Variants in AHR observed in about 807,000 individuals in gnomAD.
AHR encodes AH-receptor.
A neutral mutation model predicts 86.8 loss-of-function variants in AHR; 40 were observed. The ratio of observed to expected loss-of-function variants is 0.46; its 90% CI spans 0.36 to 0.60. The LOEUF (loss-of-function observed/expected upper bound fraction) is 0.60. Ranked by LOEUF, AHR falls within the 20% of genes least tolerant of loss-of-function variation. The probability of loss-of-function intolerance (pLI) is 0.00; values close to 1 mark genes in which losing one functional copy is unlikely to be tolerated. For missense variants in AHR, 1,001 were observed against 1,011.6 expected (o/e 0.99, Z 0.14); for synonymous variants, 398 against 354.9 (o/e 1.12, Z -1.37).
chr7:17,309,843 T>C, intron 1 of AHR, 93 bp from the exon 2 acceptor site: 1 of 1,092,256 alleles, frequency 9.2e-7, no homozygotes, highest in Non-Finnish European at 1.2e-6. Context: ...TTTGTTGTGT[T>C]AGAGAAATAT....
intron 2 of AHR, among the ~76,000 whole-genome samples, chr7:17,322,203 T>C (rs1244485274): frequency 6.6e-6 from 1 of 151,968 alleles, no homozygotes; most frequent in African/African-American, 2.4e-5. Context: ...TCTTTGAAAC[T>C]CCTAAGTTTT....
intron 1 of AHR, among the ~76,000 whole-genome samples, chr7:17,309,184 A>G (rs1232292454): frequency 6.6e-6 from 1 of 152,162 alleles, no homozygotes; most frequent in Non-Finnish European, 1.5e-5. Flanking sequence ...AAATCATGCT[A>G]AATTGTTTAG....
chr7:17,332,037 G>C (rs1055038987), intron 6 of AHR, among the ~76,000 whole-genome samples: 2 of 151,874 alleles, frequency 1.3e-5, no homozygotes, highest in Non-Finnish European at 1.5e-5. Context: ...GCATAATGAT[G>C]CTTTGGTCAA....
At chr7:17,325,561 C>T (rs1015769442) in intron 3 of AHR, among the ~76,000 whole-genome samples, 4 of 152,140 alleles carry the variant, frequency 2.6e-5, no homozygotes, top group South Asian at 4.1e-4. Context: ...GGTAGAATCA[C>T]CATTGTTTAT....
chr7:17,324,733 C>T (rs1782210489), intron 3 of AHR, among the ~76,000 whole-genome samples: 1 of 150,614 alleles, frequency 6.6e-6, no homozygotes, highest in South Asian at 2.1e-4. Context: ...AGCCAGGAGG[C>T]AGTAGTTGCA....
chr7:17,321,126 A>G (rs1367079742), intron 2 of AHR, among the ~76,000 whole-genome samples: 1 of 152,084 alleles, frequency 6.6e-6, no homozygotes, highest in Non-Finnish European at 1.5e-5. Context: ...GAGGACTGCC[A>G]GAGTCAGTTT....
intron 2 of AHR, 91 bp from the exon 3 acceptor site, chr7:17,322,410 A>T: frequency 1.3e-6 from 1 of 789,530 alleles, no homozygotes; most frequent in Non-Finnish European, 2.1e-6. Flanking sequence ...CAGTATTTCA[A>T]ATTGTCTTTG....
At chr7:17,310,775 A>G (rs960227676) in intron 2 of AHR, among the ~76,000 whole-genome samples, 5 of 152,288 alleles carry the variant, frequency 3.3e-5, no homozygotes, top group Non-Finnish European at 5.9e-5. Context: ...ACCTCAGGTG[A>G]TCTGCCCGTC....
chr7:17,299,377 A>G (rs373301570), intron 1 of AHR, 48 bp downstream of exon 1: 31 of 1,598,452 alleles, frequency 1.9e-5, no homozygotes, highest in Admixed American at 3.4e-5. Context: ...GCGCTCAGGC[A>G]CGCGGGTGCG....
At chr7:17,341,243 C>T (rs868177517) in intron 10 of AHR, among the ~76,000 whole-genome samples, 31 of 152,060 alleles carry the variant, frequency 2.0e-4, no homozygotes, top group Middle Eastern at 3.4e-3. Flanking sequence ...CTTGTCTAAT[C>T]GTATATGAGC....
intron 1 of AHR, 132 bp downstream of exon 1, chr7:17,299,461 T>G (rs747244287): frequency 3.9e-5 from 42 of 1,064,494 alleles, no homozygotes; most frequent in Admixed American, 7.9e-5. Context: ...GCCCGTGGAA[T>G]CGAGGTTTGG....
intron 2 of AHR, among the ~76,000 whole-genome samples, chr7:17,319,412 G>A (rs961590616): frequency 7.9e-5 from 12 of 152,198 alleles, no homozygotes; most frequent in African/African-American, 2.9e-4. Flanking sequence ...ACTGAGGTCT[G>A]GCTACCTGAG....
intron 10 of AHR, 34 bp downstream of exon 10, chr7:17,340,262 A>G: frequency 6.5e-7 from 1 of 1,549,150 alleles, no homozygotes; most frequent in Non-Finnish European, 8.7e-7. Context: ...TAAATCTTTC[A>G]GTGATTCTTT....
At chr7:17,307,022 A>G (rs1199020525) in intron 1 of AHR, among the ~76,000 whole-genome samples, 1 of 152,178 alleles carries the variant, frequency 6.6e-6, no homozygotes, top group East Asian at 1.9e-4. Flanking sequence ...ATTTGCTCTC[A>G]TGTTAAATAT....
chr7:17,338,212 A>T (rs1782376452), intron 9 of AHR, among the ~76,000 whole-genome samples: 1 of 151,790 alleles, frequency 6.6e-6, no homozygotes, highest in Non-Finnish European at 1.5e-5. Flanking sequence ...AAAAAAAAAA[A>T]AAATCTATTG....
rs1340035435 is a variant in AHR, at chr7:17,339,344, A to C, written c.1519A>C (p.Thr507Pro). 6.2e-7 allele frequency: 1 copy of C among 1,614,244 alleles called. No individual in the cohort carries two copies. The highest frequency in any genetic ancestry group is 1.1e-5 in the South Asian group (1 of 91,082). ...TAATACTGCACCGATGGGAAATGATACTATCCTGAAACATGAGCAAATTGA... is the reference window on the plus strand; with the variant it reads ...TAATACTGCACCGATGGGAAATGATCCTATCCTGAAACATGAGCAAATTGA... ...QDNTAPMGND[T>P]ILKHEQIDQP... Residue 507 changes from threonine to proline, a missense_variant, in exon 10 of 11, where the codon ACT becomes CCT. Thr to Pro is a conservative substitution (Grantham distance 38, BLOSUM62 -1). This residue lies in a region of AHR where 607 missense variants were observed against 543.1 expected (regional missense o/e 1.12). Coordinates refer to ENST00000242057, the MANE Select transcript of AHR (RefSeq NM_001621.5).
intron 10 of AHR, among the ~76,000 whole-genome samples, chr7:17,342,353 A>T (rs1782435243): frequency 6.6e-6 from 1 of 152,200 alleles, no homozygotes; most frequent in South Asian, 2.1e-4. Context: ...TGTAATTAGA[A>T]CTATGCTTTC....
rs1216159052 is a variant in AHR, at chr7:17,299,154, G to C, written c.-111G>C. The stretch of plus-strand genomic sequence containing the variant: ...CCGAGAGGACGCAGGTGGAGCGGGC[G>C]CGGCTTCGCGGAACCCGGCGCCGGC... On this transcript the variant is annotated 5_prime_UTR_variant, in exon 1 of 11. Coordinates refer to ENST00000242057, the MANE Select transcript of AHR (RefSeq NM_001621.5). 8.3e-7 allele frequency: 1 copy of C among 1,200,128 alleles called. No homozygotes were observed. 74.3% of individuals were successfully genotyped at this position (1,200,128 alleles called of 1,614,324 possible).
chr7:17,341,223 A>C (rs1782420245), intron 10 of AHR, among the ~76,000 whole-genome samples: 2 of 152,132 alleles, frequency 1.3e-5, no homozygotes, highest in African/African-American at 4.8e-5. Context: ...TGGCTTTTTC[A>C]TACATTTTGC....
Sources: allele counts gnomAD v4.1 joint callset (sites outside exome capture counted in the v4.1 genomes callset), GRCh38; gene constraint gnomAD v4.1.1; regional missense constraint gnomAD v4.1.1; transcripts MANE v1.5; gene names NCBI Gene and HGNC (gene_info 2026-07-23, HGNC 2026-07-21).